Variants in SAMSN1 observed in about 807,000 individuals in gnomAD.
SAMSN1 encodes the protein SAM domain-containing protein SAMSN-1.
SAMSN1 carries 31 observed loss-of-function variants against 42.0 expected under a neutral mutation model. The ratio of observed to expected loss-of-function variants is 0.74; its 90% CI spans 0.55 to 1.00. The LOEUF (loss-of-function observed/expected upper bound fraction) is 1.00, where lower values mean the gene tolerates loss of function less well. Among genes scored for constraint, SAMSN1 ranks in the 50% least tolerant of loss-of-function variants. The pLI is 0.00. For synonymous variants in SAMSN1, 178 were observed against 151.9 expected, an observed-to-expected ratio of 1.17 and a Z score of -1.26; for missense variants, 464 against 439.4, an observed-to-expected ratio of 1.06 and a Z score of -0.50.
chr21:14,553,934 A>T (rs1323832729), intron 2 of SAMSN1, among the ~76,000 whole-genome samples: 1 of 152,088 alleles, frequency 6.6e-6, no homozygotes, highest in Non-Finnish European at 1.5e-5. Flanking sequence ...TCCCTTGATA[A>T]GTTCTTCATC....
intron 2 of SAMSN1, among the ~76,000 whole-genome samples, chr21:14,520,207 T>G (rs1212967643): frequency 6.6e-6 from 1 of 152,196 alleles, no homozygotes; most frequent in African/African-American, 2.4e-5. Flanking sequence ...ATGTTCATAG[T>G]GTACAAATGT....
At chr21:14,571,010 T>G (rs1258555580) in intron 2 of SAMSN1, among the ~76,000 whole-genome samples, 1 of 152,260 alleles carries the variant, frequency 6.6e-6, no homozygotes, top group African/African-American at 2.4e-5. Context: ...ATTGTCCTTA[T>G]TATCAGTTAG....
At chr21:14,637,206 A>AT (rs958853470) in intron 2 of SAMSN1, among the ~76,000 whole-genome samples, 4 of 152,138 alleles carry the variant, frequency 2.6e-5, no homozygotes, top group East Asian at 1.9e-4. Context: ...CAAAGGTGAG[A>AT]TTTTTTTCGC....
intron 1 of SAMSN1, among the ~76,000 whole-genome samples, chr21:14,535,238 A>G (rs887962002): frequency 6.6e-6 from 1 of 152,220 alleles, no homozygotes; most frequent in Non-Finnish European, 1.5e-5. Flanking sequence ...GCCAGAAAGC[A>G]TGGGTCAAGG....
chr21:14,544,421 A>C (rs944740924), intron 1 of SAMSN1, among the ~76,000 whole-genome samples: 1 of 152,238 alleles, frequency 6.6e-6, no homozygotes, highest in Non-Finnish European at 1.5e-5. Flanking sequence ...TTATGAGGAA[A>C]GGAGTTATTT....
intron 2 of SAMSN1, among the ~76,000 whole-genome samples, chr21:14,621,933 A>G (rs1002291130): frequency 1.3e-5 from 2 of 152,230 alleles, no homozygotes; most frequent in African/African-American, 4.8e-5. Context: ...AAGCTTCCAG[A>G]GGAAAGATCA....
At chr21:14,652,705 G>C (rs142578854) in intron 1 of SAMSN1, among the ~76,000 whole-genome samples, 28 of 152,020 alleles carry the variant, frequency 1.8e-4, no homozygotes, top group African/African-American at 6.7e-4. Flanking sequence ...ATGTTGAAAA[G>C]CTTCCGCACA....
In SAMSN1 at chr21:14,560,520, C is replaced by G. The variant is rs182991066; in HGVS notation, c.261+21616G>C. On this transcript the variant is annotated intron_variant, in intron 2 of 8. Transcript: ENST00000285670. ...GTAACATTATGCAGACAGGAGAGCT[C>G]TAATATAACATTTTGGACCAAACTG... Among the ~76,000 whole-genome samples the G allele has an allele frequency of 9.0e-4, 137 of 152,238 alleles. 5 individuals are homozygous for G. Among genetic ancestry groups the G allele is most frequent in the Non-Finnish European group, 3.4e-4 (23 of 68,014 alleles).
chr21:14,599,429 T>C (rs563079740), intron 6 of SAMSN1, among the ~76,000 whole-genome samples: 1 of 152,316 alleles, frequency 6.6e-6, no homozygotes, highest in Admixed American at 6.5e-5. Flanking sequence ...GGTTGTAAGT[T>C]TCCTGAGGCC....
In SAMSN1 at chr21:14,577,236, GTGTATATATATATATATATA is replaced by G. The variant is rs1368983473; in HGVS notation, c.261+4880_261+4899del. Among the ~76,000 whole-genome samples the G allele has an allele frequency of 1.7e-3, 52 of 30,856 alleles. 6 individuals carry two copies. Among genetic ancestry groups the G allele is most frequent in the South Asian group, 0.011 (7 of 652 alleles). 20.2% of individuals were successfully genotyped at this position (30,856 alleles called of 152,430 possible). A position where few individuals can be genotyped will look rare whatever the true frequency, so the allele number is the denominator to read the frequency against. On this transcript the variant is annotated intron_variant, in intron 2 of 8. Transcript: ENST00000285670. ...ATGGTGGGCTAATTTATATATATGT[GTGTATATATATATATATATA>G]TATATATATATATATATATATATAT...
intron 1 of SAMSN1, among the ~76,000 whole-genome samples, chr21:14,525,302 G>A (rs1444745629): frequency 6.6e-6 from 1 of 152,058 alleles, no homozygotes; most frequent in Non-Finnish European, 1.5e-5. Context: ...ACCAAGCTCT[G>A]TATCTAGCTA....
At chr21:14,597,571 G>C (rs1982306334) in intron 6 of SAMSN1, among the ~76,000 whole-genome samples, 1 of 152,174 alleles carries the variant, frequency 6.6e-6, no homozygotes. Flanking sequence ...ACATAGAGCA[G>C]AGTTTAGCAT....
intron 2 of SAMSN1, 102 bp from the exon 3 acceptor site, chr21:14,517,143 T>C: frequency 2.8e-6 from 3 of 1,085,392 alleles, no homozygotes; most frequent in Admixed American, 2.8e-5. Flanking sequence ...GGATTTTGCA[T>C]GCATTCTGTG....
chr21:14,602,208 T>C (rs1478618066), intron 5 of SAMSN1: 1 of 372,764 alleles, frequency 2.7e-6, no homozygotes, highest in Admixed American at 4.6e-5. Context: ...AGACATTACA[T>C]TGGCTACGTC....
chr21:14,528,789 T>C (rs1979047606), intron 1 of SAMSN1, among the ~76,000 whole-genome samples: 2 of 152,204 alleles, frequency 1.3e-5, no homozygotes, highest in African/African-American at 4.8e-5. Flanking sequence ...TAAAGTACCA[T>C]GTCTCATCAT....
intron 7 of SAMSN1, among the ~76,000 whole-genome samples, chr21:14,589,300 A>G (rs116488581): frequency 0.013 from 1,945 of 152,224 alleles, 36 homozygotes; most frequent in African/African-American, 0.039. Context: ...AAGATAATTT[A>G]TTAATAATAG....
chr21:14,576,414 G>A (rs1184207083), intron 2 of SAMSN1, among the ~76,000 whole-genome samples: 1 of 152,154 alleles, frequency 6.6e-6, no homozygotes, highest in Non-Finnish European at 1.5e-5. Context: ...TAAGCTGTCT[G>A]TCTCCAGTTA....
rs1983123667 is a variant in SAMSN1, at chr21:14,624,969, C to A, written c.157-8953G>T. Among the ~76,000 whole-genome samples, 5 of 152,064 alleles carry A rather than the reference C, an allele frequency of 3.3e-5. No individual in the cohort carries two copies. The South Asian group carries it at 1.0e-3, about 32-fold the overall frequency. On this transcript the variant is annotated intron_variant, in intron 2 of 15. Transcript: ENST00000647101. ...TTGTCCCTGGGATGCAAGGCTGGTT[C>A]AACATACATGAGTCAATAAACATAA...
chr21:14,578,411 C>T (rs1251504797), intron 2 of SAMSN1, among the ~76,000 whole-genome samples: 2 of 152,102 alleles, frequency 1.3e-5, no homozygotes, highest in Non-Finnish European at 2.9e-5. Context: ...GAGTTAATTT[C>T]AGGCCACCTA....
Sources: gnomAD v4.1 joint callset for allele counts (sites outside exome capture counted in the v4.1 genomes callset) on GRCh38, gnomAD v4.1.1 for gene constraint, MANE v1.5 for transcripts, NCBI Gene and HGNC (gene_info 2026-07-23, HGNC 2026-07-21) for gene names.